The following SPRED1 variants were observed in gnomAD, a reference collection of about 807,000 sequenced individuals.
SPRED1 encodes sprouty-related, EVH1 domain-containing protein 1.
A neutral mutation model predicts 52.3 loss-of-function variants in SPRED1; 18 were observed. The ratio of observed to expected loss-of-function variants is 0.34; its 90% CI spans 0.24 to 0.51. The LOEUF is 0.51. Ranked by LOEUF, SPRED1 falls within the 20% of genes least tolerant of loss-of-function variation. SPRED1 has a pLI of 0.97. For synonymous variants in SPRED1, 155 were observed against 179.7 expected (o/e 0.86, Z 1.10); for missense variants, 485 against 551.0 (o/e 0.88, Z 1.20).
intron 1 of SPRED1, among the ~76,000 whole-genome samples, chr15:38,282,197 A>G (rs534837694): frequency 6.6e-6 from 1 of 152,084 alleles, no homozygotes; most frequent in Non-Finnish European, 1.5e-5. Flanking sequence ...TATTCTGGCC[A>G]GAATCGGTGG....
chr15:38,354,377 A>G lies in SPRED1; in HGVS notation c.*2713A>G, dbSNP rs1888560127. ...CTTGAGTAATAGTATTGAAAATGGA[A>G]TCATCTAGACGGCATGACAAGCAAG... On this transcript the variant is annotated 3_prime_UTR_variant, in exon 7 of 7. Transcript: ENST00000299084. 1 of 152,240 alleles carries G rather than the reference A, an allele frequency of 6.6e-6. No individual in the cohort carries two copies. The highest frequency in any genetic ancestry group is 2.4e-5 in the African/African-American group (1 of 41,462). 9.4% of individuals were successfully genotyped at this position (152,240 alleles called of 1,614,324 possible).
chr15:38,288,730 A>T (rs1411828915), intron 1 of SPRED1, among the ~76,000 whole-genome samples: 1 of 152,192 alleles, frequency 6.6e-6, no homozygotes, highest in Admixed American at 6.5e-5. Flanking sequence ...TATAGCCATT[A>T]TAAGATTTCA....
intron 2 of SPRED1, among the ~76,000 whole-genome samples, chr15:38,318,310 T>TA (rs1356930199): frequency 5.3e-5 from 8 of 152,172 alleles, no homozygotes; most frequent in African/African-American, 1.9e-4. Context: ...TACTGGTTGG[T>TA]ATGATATTTA....
rs534095907 is a variant in SPRED1 at position 38,310,204 on chromosome 15, G to A, written c.207+10657G>A. ...TGCCCATACTGGAGCGCAGTGGCGC[G>A]ATCTCGGCTCATTGCAACCTCTGCC... On this transcript the variant is annotated intron_variant, in intron 2 of 6. Coordinates refer to ENST00000299084, the MANE Select transcript of SPRED1 (RefSeq NM_152594.3). Among the ~76,000 whole-genome samples the A allele has an allele frequency of 1.1e-4, 16 of 148,608 alleles. No individual in the cohort carries two copies. In the South Asian group the frequency reaches 1.3e-3, roughly 12 times the overall value.
chr15:38,254,029 A>G (rs1478529984), intron 1 of SPRED1, among the ~76,000 whole-genome samples: 2 of 152,158 alleles, frequency 1.3e-5, no homozygotes, highest in Admixed American at 6.5e-5. Flanking sequence ...TGCTTTCCAA[A>G]CGAAATACTT....
intron 5 of SPRED1, among the ~76,000 whole-genome samples, chr15:38,343,763 A>T (rs1246213816): frequency 6.6e-6 from 1 of 152,098 alleles, no homozygotes; most frequent in Admixed American, 6.6e-5. Context: ...ATTATTATTA[A>T]TGTTTATCAT....
chr15:38,256,699 A>G (rs1402638310), intron 1 of SPRED1, among the ~76,000 whole-genome samples: 1 of 152,144 alleles, frequency 6.6e-6, no homozygotes, highest in African/African-American at 2.4e-5. Flanking sequence ...GCAAATTTTT[A>G]TGGTTATATC....
In SPRED1 at chr15:38,322,333, T is replaced by C. The variant is rs1895620171; in HGVS notation, c.300T>C (p.Gly100=). The part of the protein sequence containing the change: ...HHWKIDDKKF[G]LTFQSPADAR... ...GGAAGATTGATGACAAGAAGTTTGG[T>C]CTTACGTTTCAAAGTCCTGCTGATG... The change falls in exon 3 of 7, where the codon GGT becomes GGC. Residue 100 remains glycine (G), a synonymous_variant. Coordinates refer to ENST00000299084, the MANE Select transcript of SPRED1 (RefSeq NM_152594.3). 6.2e-7 allele frequency: 1 copy of C among 1,613,946 alleles called. No homozygotes were observed. Among genetic ancestry groups the C allele is most frequent in the Non-Finnish European group, 8.5e-7 (1 of 1,179,910 alleles).
rs544398735 is a variant in SPRED1, at chr15:38,297,987, A to T, written c.33-1386A>T. On this transcript the variant is annotated intron_variant, in intron 1 of 6. Coordinates refer to ENST00000299084, the MANE Select transcript of SPRED1 (RefSeq NM_152594.3). ...ACTTTAAAAGTATATTCTCTAAAAA[A>T]TACTTATGTCCAGAATATATTTTAA... is the stretch of plus-strand genomic sequence containing the variant. Among the ~76,000 whole-genome samples the T allele has an allele frequency of 4.6e-5, 7 of 152,332 alleles. No individual in the cohort carries two copies. In the South Asian group the frequency reaches 1.5e-3, roughly 32 times the overall value.
chr15:38,295,485 A>G (rs986957023), intron 1 of SPRED1, among the ~76,000 whole-genome samples: 2 of 152,198 alleles, frequency 1.3e-5, no homozygotes, highest in Non-Finnish European at 2.9e-5. Flanking sequence ...TTGTAATCTT[A>G]TGGGACTGTT....
intron 1 of SPRED1, among the ~76,000 whole-genome samples, chr15:38,290,426 A>G (rs1455965469): frequency 6.6e-6 from 1 of 152,150 alleles, no homozygotes; most frequent in African/African-American, 2.4e-5. Flanking sequence ...ACCTCTATTC[A>G]TCTCTCATAT....
intron 2 of SPRED1, among the ~76,000 whole-genome samples, chr15:38,308,158 T>C (rs1895289531): frequency 6.6e-6 from 1 of 152,190 alleles, no homozygotes. Flanking sequence ...TTTTATGAAA[T>C]CTGATTTTGC....
chr15:38,256,557 TCA>T (rs1235634392), intron 1 of SPRED1, among the ~76,000 whole-genome samples: 2 of 152,170 alleles, frequency 1.3e-5, no homozygotes, highest in Non-Finnish European at 2.9e-5. Flanking sequence ...ACTTCCTGTG[TCA>T]GTATTAGGCT....
intron 1 of SPRED1, among the ~76,000 whole-genome samples, chr15:38,297,230 A>T (rs530065324): frequency 6.6e-6 from 1 of 152,250 alleles, no homozygotes; most frequent in African/African-American, 2.4e-5. Flanking sequence ...GAAAGGATAT[A>T]TTTGAAATTA....
intron 2 of SPRED1, among the ~76,000 whole-genome samples, chr15:38,313,665 C>T (rs1413330289): frequency 6.6e-6 from 1 of 151,122 alleles, no homozygotes; most frequent in Admixed American, 6.6e-5. Flanking sequence ...ATATTATATT[C>T]TAAACAAGCA....
At chr15:38,349,571 A>G in intron 6 of SPRED1, 48 bp downstream of exon 6, 3 of 438,444 alleles carry the variant, frequency 6.8e-6, no homozygotes. Flanking sequence ...ACTAATTAAT[A>G]GATAGGTAAA....
chr15:38,277,929 C>G (rs1894594787), intron 1 of SPRED1, among the ~76,000 whole-genome samples: 1 of 151,108 alleles, frequency 6.6e-6, no homozygotes, highest in Non-Finnish European at 1.5e-5. Flanking sequence ...TAAGTGTCTT[C>G]ATACCCTTTG....
intron 2 of SPRED1, among the ~76,000 whole-genome samples, chr15:38,310,332 G>T (rs1048913364): frequency 2.0e-5 from 3 of 152,020 alleles, no homozygotes; most frequent in Admixed American, 1.3e-4. Context: ...TAGAGACGGG[G>T]GTTTCACCAT....
At chr15:38,332,229 G>A (rs909135706) in intron 4 of SPRED1, among the ~76,000 whole-genome samples, 3 of 152,104 alleles carry the variant, frequency 2.0e-5, no homozygotes, top group African/African-American at 7.2e-5. Flanking sequence ...GTAGGATTAT[G>A]GAAATAATTT....
Sources: allele counts gnomAD v4.1 joint callset (sites outside exome capture counted in the v4.1 genomes callset), GRCh38; gene constraint gnomAD v4.1.1; transcripts MANE v1.5; gene names NCBI Gene and HGNC (gene_info 2026-07-23, HGNC 2026-07-21).